The following PLAGL1 variants were observed in gnomAD, a reference collection of about 807,000 sequenced individuals.
The protein encoded by PLAGL1 is PLAG1 like zinc finger 1.
A neutral mutation model predicts 4.6 loss-of-function variants in PLAGL1; 1 was observed. That is an observed-to-expected ratio of 0.22 (90% CI 0.08 to 1.03). The LOEUF (loss-of-function observed/expected upper bound fraction) is 1.03. Among genes scored for constraint, PLAGL1 ranks in the 50% least tolerant of loss-of-function variants. The pLI is 0.58. For missense variants in PLAGL1, 464 were observed against 570.4 expected, an observed-to-expected ratio of 0.81 and a Z score of 1.90; for synonymous variants, 240 against 237.8, an observed-to-expected ratio of 1.01 and a Z score of -0.08.
intron 7 of PLAGL1, among the ~76,000 whole-genome samples, chr6:143,946,224 G>A (rs148018600): frequency 8.9e-4 from 136 of 152,284 alleles, no homozygotes; most frequent in African/African-American, 2.8e-3. Flanking sequence ...AAGCGGACCC[G>A]TGCAGCTCAA....
rs565460273 is a variant in PLAGL1 at position 144,043,598 on chromosome 6, C to T, written c.-151+20870G>A. Among the ~76,000 whole-genome samples the T allele has an allele frequency of 8.4e-3, 1,280 of 152,024 alleles. 10 individuals are homozygous for T. Among genetic ancestry groups the T allele is most frequent in the Middle Eastern group, 0.014 (4 of 294 alleles). On this transcript the variant is annotated intron_variant, in intron 1 of 3. Coordinates refer to the PLAGL1 transcript ENST00000437412. ...TTGCCAGTATTTTATTGAGGATTTT[C>T]GCATCGATGTTCATCAGGGATATTG...
intron 1 of PLAGL1, among the ~76,000 whole-genome samples, chr6:144,023,081 A>G (rs1796086462): frequency 6.6e-6 from 1 of 152,260 alleles, no homozygotes; most frequent in South Asian, 2.1e-4. Flanking sequence ...TAATTCATGC[A>G]ACACCATGGA....
chr6:144,037,639 A>AATG (rs1252448815), intron 1 of PLAGL1: 1 of 152,162 alleles, frequency 6.6e-6, no homozygotes, highest in Non-Finnish European at 1.5e-5. Flanking sequence ...TTTAAAGAAA[A>AATG]ATGATCATGA....
At chr6:143,986,537 G>A (rs1789213891) in intron 1 of PLAGL1, among the ~76,000 whole-genome samples, 1 of 152,076 alleles carries the variant, frequency 6.6e-6, no homozygotes, top group South Asian at 2.1e-4. Context: ...GATGATGGGA[G>A]AACTGAAATT....
At position 144,006,964 on chromosome 6, in the gene PLAGL1, T is replaced by C. The variant is rs1456495287; in HGVS notation, c.-584+1126A>G. On this transcript the variant is annotated intron_variant, in intron 1 of 7. Transcript: ENST00000674357. The surrounding 1 kb of genome is among the most constrained non-coding windows in gnomAD (Gnocchi z 4.3). ...TCCGTCTGTGTTTTACAAATTCTGA[T>C]CATCCATTTAAATGACTTTACGACC... 1 of 152,164 alleles carries C rather than the reference T, an allele frequency of 6.6e-6. No individual in the cohort carries two copies. Among genetic ancestry groups the C allele is most frequent in the Non-Finnish European group, 1.5e-5 (1 of 68,038 alleles). 9.4% of individuals were successfully genotyped at this position (152,164 alleles called of 1,614,324 possible).
Position 143,983,514 on chromosome 6 carries a change from C to A in PLAGL1, c.-544+1621G>T, listed in dbSNP as rs76145475. On this transcript the variant is annotated intron_variant, in intron 2 of 7. Transcript: ENST00000674357. The surrounding 1 kb of genome is among the most constrained non-coding windows in gnomAD (Gnocchi z 6.6). ...CTAAGAATATAAGTACAAGGGTAAGCTTTAAATTGAGCATGGCTGGGTATC... is the reference window on the plus strand; with the variant it reads ...CTAAGAATATAAGTACAAGGGTAAGATTTAAATTGAGCATGGCTGGGTATC... Among the ~76,000 whole-genome samples the A allele has an allele frequency of 6.7e-3, 1,019 of 152,206 alleles. 43 individuals carry two copies. The East Asian group carries it at 0.11, about 17-fold the overall frequency.
Position 144,005,399 on chromosome 6 carries a change from C to T in PLAGL1, c.-584+2691G>A, listed in dbSNP as rs1315844347. 6.6e-6 allele frequency: 1 copy of T among 152,148 alleles called. No homozygotes were observed. The highest frequency in any genetic ancestry group is 1.5e-5 in the Non-Finnish European group (1 of 67,996). 9.4% of individuals were successfully genotyped at this position (152,148 alleles called of 1,614,324 possible). On this transcript the variant is annotated intron_variant, in intron 1 of 7. Coordinates refer to ENST00000674357, the MANE Select transcript of PLAGL1 (RefSeq NM_001317162.2). This position sits in a 1 kb window ranked among gnomAD's most constrained non-coding sequence, Gnocchi z 4.6. ...AGGATTAACAGCCTGGAAATAAGCC[C>T]AAACATATCTGGGTACTGTATGTGA...
rs1780348046 is a variant in PLAGL1 at position 143,948,764 on chromosome 6, A to AACAAC, written c.-324-305_-324-304insGTTGT. On this transcript the variant is annotated intron_variant, in intron 6 of 7. Transcript: ENST00000674357. The surrounding 1 kb of genome is among the most constrained non-coding windows in gnomAD (Gnocchi z 6.0). ...GTGAAGCTCCATTGACCAAAGAGAA[A>AACAAC]AACAACAACAACAACAACAACAACA... is the stretch of plus-strand genomic sequence containing the variant. Among the ~76,000 whole-genome samples, 1 of 107,184 alleles carries AACAAC rather than the reference A, an allele frequency of 9.3e-6. No individual in the cohort carries two copies. Among genetic ancestry groups the AACAAC allele is most frequent in the African/African-American group, 4.1e-5 (1 of 24,606 alleles). The allele number at this position is 107,184 out of a possible 152,430, so 70.3% of individuals were successfully genotyped here.
rs375448846 is a variant in PLAGL1 at position 143,957,253 on chromosome 6, T to A, written c.-325+3216A>T. On this transcript the variant is annotated intron_variant, in intron 6 of 7. Transcript: ENST00000674357. The surrounding 1 kb of genome is among the most constrained non-coding windows in gnomAD (Gnocchi z 4.2). ...GTTCTCAAGCTGAGATGGGACTGCC[T>A]TGTTTGAAGAGGACTATTTATGAAT... 3.9e-5 allele frequency among the ~76,000 whole-genome samples: 6 copies of A among 152,336 alleles called. No homozygotes were observed. In the East Asian group the frequency reaches 1.2e-3, roughly 29 times the overall value.
intron 1 of PLAGL1, among the ~76,000 whole-genome samples, chr6:144,020,921 CTA>C (rs1795937098): frequency 6.9e-6 from 1 of 144,380 alleles, no homozygotes; most frequent in South Asian, 2.1e-4. Flanking sequence ...TAATATAAAA[CTA>C]TAGATATAAA....
chr6:143,943,409 A>G (rs1562375100), intron 7 of PLAGL1, among the ~76,000 whole-genome samples: 1 of 152,106 alleles, frequency 6.6e-6, no homozygotes, highest in Non-Finnish European at 1.5e-5. Flanking sequence ...CAAGCCATGG[A>G]CATGTAACTC....
At chr6:143,974,646 T>A (rs1331715434) in intron 2 of PLAGL1, among the ~76,000 whole-genome samples, 3 of 152,190 alleles carry the variant, frequency 2.0e-5, no homozygotes. Context: ...ATTGACTTGC[T>A]TTGGGCCTAG....
rs1046640285 is a variant in PLAGL1, at chr6:143,962,872, T to A, written c.-399+1915A>T. 1.3e-5 allele frequency among the ~76,000 whole-genome samples: 2 copies of A among 152,226 alleles called. No individual in the cohort carries two copies. Among genetic ancestry groups the A allele is most frequent in the Non-Finnish European group, 2.9e-5 (2 of 68,032 alleles). On this transcript the variant is annotated intron_variant, in intron 5 of 7. Transcript: ENST00000674357. The surrounding 1 kb of genome is among the most constrained non-coding windows in gnomAD (Gnocchi z 5.3). ...TCTGCCCTGGTTTTCAGTGAAAGAA[T>A]CCTCTAGGCTGAAGATGTACAAGGT...
Position 143,988,746 on chromosome 6 carries a change from G to A in PLAGL1, c.-583-3572C>T, listed in dbSNP as rs906539577. Among the ~76,000 whole-genome samples, 4 of 152,268 alleles carry A rather than the reference G, an allele frequency of 2.6e-5. No homozygotes were observed. The East Asian group carries it at 5.8e-4, about 22-fold the overall frequency. ...TTTTGGTGAGGAACCTCCTCCAACTGTCTACTGCTGGCTCTCCTATCCTCA... is the reference window on the plus strand; with the variant it reads ...TTTTGGTGAGGAACCTCCTCCAACTATCTACTGCTGGCTCTCCTATCCTCA... On this transcript the variant is annotated intron_variant, in intron 1 of 7. Transcript: ENST00000674357.
rs949315621 is a variant in PLAGL1, at chr6:144,053,639, T to C, written c.-151+10829A>G. Among the ~76,000 whole-genome samples, 7 of 152,068 alleles carry C rather than the reference T, an allele frequency of 4.6e-5. No homozygotes were observed. Among genetic ancestry groups the C allele is most frequent in the Non-Finnish European group, 1.0e-4 (7 of 68,002 alleles). ...GGACTTATTTGGATAAAAAGGAAAA[T>C]ACTACCTTCATAAAGAAACTTACCA... is the stretch of plus-strand genomic sequence containing the variant. On this transcript the variant is annotated intron_variant, in intron 1 of 3. Coordinates refer to the PLAGL1 transcript ENST00000437412. This position sits in a 1 kb window ranked among gnomAD's most constrained non-coding sequence, Gnocchi z 4.0.
intron 2 of PLAGL1, among the ~76,000 whole-genome samples, chr6:143,969,294 G>A (rs1784989775): frequency 6.6e-6 from 1 of 151,970 alleles, no homozygotes; most frequent in African/African-American, 2.4e-5. Flanking sequence ...CATGCAATTG[G>A]TTTTCTCTCT....
At chr6:144,030,617 T>A (rs1311421533) in intron 1 of PLAGL1, among the ~76,000 whole-genome samples, 6 of 152,190 alleles carry the variant, frequency 3.9e-5, no homozygotes, top group African/African-American at 9.7e-5. Context: ...CATTCCTGAG[T>A]TACTTCACTT....
chr6:144,002,578 C>T (rs556321580), intron 1 of PLAGL1, among the ~76,000 whole-genome samples: 60 of 151,688 alleles, frequency 4.0e-4, no homozygotes, highest in African/African-American at 1.2e-3. Flanking sequence ...ATTTAGCAAG[C>T]GCACAAAATA....
chr6:143,987,895 C>T (rs1789569580), intron 1 of PLAGL1, among the ~76,000 whole-genome samples: 1 of 152,112 alleles, frequency 6.6e-6, no homozygotes, highest in African/African-American at 2.4e-5. Context: ...ATCAGAATTC[C>T]TCATTTATCT....
Sources: gnomAD v4.1 joint callset for allele counts (sites outside exome capture counted in the v4.1 genomes callset) on GRCh38, gnomAD v4.1.1 for gene constraint, Gnocchi (gnomAD v3.1) non-coding constraint, MANE v1.5 for transcripts, NCBI Gene and HGNC (gene_info 2026-07-23, HGNC 2026-07-21) for gene names.